Variants in PI4KA observed in about 807,000 individuals in gnomAD.
PI4KA encodes the protein phosphatidylinositol 4-kinase alpha.
PI4KA carries 122 observed loss-of-function variants against 271.4 expected under a neutral mutation model. That is an observed-to-expected ratio of 0.45 (90% CI 0.39 to 0.52). The LOEUF is 0.52. PI4KA is among the 20% of genes least tolerant of loss of function. The pLI is 0.00. For synonymous variants in PI4KA, 1,041 were observed against 1,078.8 expected, an observed-to-expected ratio of 0.96 and a Z score of 0.69; for missense variants, 1,969 against 2,769.1, an observed-to-expected ratio of 0.71 and a Z score of 6.48.
At chr22:20,824,749 C>G (rs957682019) in intron 3 of PI4KA, among the ~76,000 whole-genome samples, 1 of 140,658 alleles carries the variant, frequency 7.1e-6, no homozygotes. Context: ...CACACACACA[C>G]ACACACACAC....
At position 20,711,644 on chromosome 22, in the gene PI4KA, A is replaced by T. The variant is rs5751786; in HGVS notation, c.5803-183T>A. ...AGGAGTGACAGGGGCTCTCTGTGGAAGTGGGCGTGCAGGCACTTCCTCCCA... is the reference window on the plus strand; with the variant it reads ...AGGAGTGACAGGGGCTCTCTGTGGATGTGGGCGTGCAGGCACTTCCTCCCA... On this transcript the variant is annotated intron_variant, in intron 50 of 54. Transcript: ENST00000255882. 0.48 allele frequency among the ~76,000 whole-genome samples: 72,916 copies of T among 151,936 alleles called. 17,904 individuals carry two copies. Among genetic ancestry groups the T allele is most frequent in the African/African-American group, 0.56 (23,236 of 41,420 alleles).
chr22:20,747,054 T>C lies in PI4KA; in HGVS notation c.3363+529A>G, dbSNP rs564775252. On this transcript the variant is annotated intron_variant, in intron 29 of 54. Coordinates refer to ENST00000255882, the MANE Select transcript of PI4KA (RefSeq NM_058004.4). ...GACCAGCCCCAGTCACATGGCCAGG[T>C]GGAACTGCCTGCTTTAATCCTTTTT... 7.9e-5 allele frequency among the ~76,000 whole-genome samples: 12 copies of C among 152,310 alleles called. No individual in the cohort carries two copies. The South Asian group carries it at 2.5e-3, about 32-fold the overall frequency.
At chr22:20,749,612 C>T (rs941140322) in intron 28 of PI4KA, among the ~76,000 whole-genome samples, 29 of 152,372 alleles carry the variant, frequency 1.9e-4, no homozygotes, top group African/African-American at 6.7e-4. Flanking sequence ...CCACATCCAC[C>T]ACACAAGCCC....
At chr22:20,813,948 G>A (rs182683397) in intron 7 of PI4KA, among the ~76,000 whole-genome samples, 3 of 152,230 alleles carry the variant, frequency 2.0e-5, no homozygotes, top group East Asian at 1.9e-4. Context: ...ACAGATGCCC[G>A]TCGCCACACC....
intron 19 of PI4KA, among the ~76,000 whole-genome samples, chr22:20,771,061 A>C (rs1382809922): frequency 2.6e-5 from 4 of 152,178 alleles, no homozygotes; most frequent in Admixed American, 6.5e-5. Flanking sequence ...ATATCTAGCC[A>C]TAAGACAAAC....
chr22:20,820,726 T>C lies in PI4KA; in HGVS notation c.457-115A>G, dbSNP rs116019423. 697 of 710,880 alleles carry C rather than the reference T, an allele frequency of 9.8e-4. 1 individual carries two copies. In the African/African-American group the frequency reaches 0.011, roughly 11 times the overall value. 44.0% of individuals were successfully genotyped at this position (710,880 alleles called of 1,614,324 possible). A position where few individuals can be genotyped will look rare whatever the true frequency, so the allele number is the denominator to read the frequency against. The stretch of plus-strand genomic sequence containing the variant: ...ACATTATCTTAACCAACCCCATATA[T>C]GATACATCCCTCCACAACGACTGTG... On this transcript the variant is annotated intron_variant, in intron 4 of 54. Coordinates refer to ENST00000255882, the MANE Select transcript of PI4KA (RefSeq NM_058004.4).
chr22:20,840,898 C>A (rs554210637), intron 1 of PI4KA, among the ~76,000 whole-genome samples: 2 of 152,222 alleles, frequency 1.3e-5, no homozygotes, highest in East Asian at 1.9e-4. Context: ...GCGTGTGAAC[C>A]AGAGCAACTC....
At chr22:20,802,537 GTTTT>G (rs1484750846) in intron 13 of PI4KA, among the ~76,000 whole-genome samples, 1 of 152,082 alleles carries the variant, frequency 6.6e-6, no homozygotes, top group Non-Finnish European at 1.5e-5. Flanking sequence ...GGGAAGTCTT[GTTTT>G]TTGTTTGTTT....
Position 20,799,105 on chromosome 22 carries a change from A to T in PI4KA, c.1992T>A (p.Val664=). Residue 664 remains valine, a synonymous_variant, in exon 16 of 55, where the codon GTT becomes GTA. Coordinates refer to ENST00000255882, the MANE Select transcript of PI4KA (RefSeq NM_058004.4). ...VLIIDQLGCL[V]ITGNQYIYQE... is the part of the protein sequence containing the mutation. The stretch of plus-strand genomic sequence containing the variant: ...TGGCCTCCCTTACATTTCCGGTGAT[A>T]ACCAGGCAGCCCAGCTGGTCAATAA... 6.2e-7 allele frequency: 1 copy of T among 1,613,464 alleles called. No homozygotes were observed. The highest frequency in any genetic ancestry group is 8.5e-7 in the Non-Finnish European group (1 of 1,179,770).
chr22:20,742,563 C>A, intron 31 of PI4KA, 45 bp downstream of exon 31: 1 of 1,607,680 alleles, frequency 6.2e-7, no homozygotes, highest in East Asian at 2.2e-5. Context: ...GGCCAGCATT[C>A]ATTTAGAAAC....
At chr22:20,801,582 T>TAA (rs199623828) in intron 14 of PI4KA, among the ~76,000 whole-genome samples, 1 of 143,768 alleles carries the variant, frequency 7.0e-6, no homozygotes, top group African/African-American at 2.6e-5. Flanking sequence ...CAAGACTGTA[T>TAA]AAAAAAAAAT....
chr22:20,834,158 C>A (rs1924567805), intron 3 of PI4KA, among the ~76,000 whole-genome samples: 1 of 152,154 alleles, frequency 6.6e-6, no homozygotes, highest in African/African-American at 2.4e-5. Context: ...CTCCATCTCA[C>A]CCTTTTTGAG....
At chr22:20,709,022 TTC>T (rs529262600) in intron 54 of PI4KA, among the ~76,000 whole-genome samples, 76 of 137,184 alleles carry the variant, frequency 5.5e-4, no homozygotes, top group African/African-American at 2.1e-3. Context: ...CCACACTCAG[TTC>T]TAATACTCCT....
In PI4KA at chr22:20,742,782, T is replaced by A; in HGVS notation, c.3457-18A>T. On this transcript the variant is annotated intron_variant, in intron 30 of 54. Transcript: ENST00000255882. Reference sequence around the variant, plus strand: ...CCATACACCTGCAAAAACATTCTCATCAGCAACTAAGCATATAATCCAGGC... The same window carrying A: ...CCATACACCTGCAAAAACATTCTCAACAGCAACTAAGCATATAATCCAGGC... 6.2e-7 allele frequency: 1 copy of A among 1,613,312 alleles called. No homozygotes were observed. Among genetic ancestry groups the A allele is most frequent in the Non-Finnish European group, 8.5e-7 (1 of 1,179,370 alleles).
chr22:20,765,769 CCA>C (rs750494765), intron 19 of PI4KA, 76 bp from the exon 20 acceptor site: 22 of 910,040 alleles, frequency 2.4e-5, no homozygotes, highest in Non-Finnish European at 3.5e-5. Context: ...GTAAAATCAA[CCA>C]CAGATTCATT....
chr22:20,800,318 C>A, intron 14 of PI4KA, among the ~76,000 whole-genome samples: 1 of 152,124 alleles, frequency 6.6e-6, no homozygotes, highest in East Asian at 1.9e-4. Flanking sequence ...GGCAAGGAAC[C>A]AGAATCCAGG....
intron 9 of PI4KA, among the ~76,000 whole-genome samples, chr22:20,808,727 G>A (rs1261908039): frequency 6.6e-6 from 1 of 151,304 alleles, no homozygotes; most frequent in African/African-American, 2.4e-5. Context: ...ACCCCAGGCT[G>A]GAATGCAGTG....
intron 1 of PI4KA, among the ~76,000 whole-genome samples, chr22:20,839,642 CAA>C (rs1208072390): frequency 1.3e-5 from 2 of 152,112 alleles, no homozygotes; most frequent in Non-Finnish European, 2.9e-5. Flanking sequence ...CCAGCTTGGC[CAA>C]TACGGTGAAA....
rs1003219553 is a variant in PI4KA at position 20,826,248 on chromosome 22, C to A, written c.368-1834G>T. 1.1e-4 allele frequency among the ~76,000 whole-genome samples: 16 copies of A among 152,270 alleles called. No individual in the cohort carries two copies. The South Asian group carries it at 3.1e-3, about 30-fold the overall frequency. Reference sequence around the variant, plus strand: ...ATCCCAGCTACTTGGGAGGCTGAGACAGGAGAATCGCTCGAACCTGGGAGG... The same window carrying A: ...ATCCCAGCTACTTGGGAGGCTGAGAAAGGAGAATCGCTCGAACCTGGGAGG... On this transcript the variant is annotated intron_variant, in intron 3 of 54. Transcript: ENST00000255882.
Sources: allele counts gnomAD v4.1 joint callset (sites outside exome capture counted in the v4.1 genomes callset), GRCh38; gene constraint gnomAD v4.1.1; transcripts MANE v1.5; gene names NCBI Gene and HGNC (gene_info 2026-07-23, HGNC 2026-07-21).